PIEZO2: variants seen among roughly 807,000 people sequenced by gnomAD.
The protein encoded by PIEZO2 is piezo type mechanosensitive ion channel component 2.
PIEZO2 carries 172 observed loss-of-function variants against 337.3 expected under a neutral mutation model. The observed-to-expected ratio is 0.51, with a 90% CI of 0.45 to 0.58. The LOEUF (loss-of-function observed/expected upper bound fraction) is 0.58. Among genes scored for constraint, PIEZO2 ranks in the 20% least tolerant of loss-of-function variants. PIEZO2 has a pLI of 0.00. For missense variants in PIEZO2, 3,028 were observed against 3,391.3 expected (o/e 0.89, Z 2.66); for synonymous variants, 1,251 against 1,228.5 (o/e 1.02, Z -0.38).
chr18:11,072,490 G>A (rs772827817), intron 1 of PIEZO2, among the ~76,000 whole-genome samples: 1 of 151,976 alleles, frequency 6.6e-6, no homozygotes, highest in African/African-American at 2.4e-5. Flanking sequence ...AATAAAAGTC[G>A]CTCACATGAT....
At chr18:10,996,022 C>T (rs1598801480) in intron 2 of PIEZO2, among the ~76,000 whole-genome samples, 1 of 151,966 alleles carries the variant, frequency 6.6e-6, no homozygotes, top group Admixed American at 6.6e-5. Context: ...GCATTGTATT[C>T]ATATTTTTCT....
chr18:10,787,118 G>A lies in PIEZO2; in HGVS notation c.2236C>T (p.Leu746=). Residue 746 remains leucine (L), a synonymous_variant, in exon 16 of 56, where the codon CTG becomes TTG. Coordinates refer to ENST00000674853, the MANE Select transcript of PIEZO2 (RefSeq NM_001378183.1). ...FWMSVVIYTM[L]VLIFIYTYQF... ...TATGTGTATATAAAGATAAGCACCA[G>A]CATAGTGTAAATAACCACTGACATC... is the stretch of plus-strand genomic sequence containing the variant. The A allele has an allele frequency of 2.0e-6, 3 of 1,535,508 alleles. No individual in the cohort carries two copies. In the East Asian group the frequency reaches 7.3e-5, roughly 38 times the overall value.
intron 1 of PIEZO2, among the ~76,000 whole-genome samples, chr18:11,124,366 G>C (rs1418456527): frequency 6.6e-6 from 1 of 152,174 alleles, no homozygotes; most frequent in African/African-American, 2.4e-5. Flanking sequence ...CCCAGCATTT[G>C]TTGTGTTACC....
intron 3 of PIEZO2, among the ~76,000 whole-genome samples, chr18:10,930,797 GA>G (rs1338044145): frequency 1.3e-5 from 2 of 152,024 alleles, no homozygotes; most frequent in Non-Finnish European, 1.5e-5. Flanking sequence ...AAATTTTTTT[GA>G]AATTCTGTCT....
chr18:10,703,775 C>T (rs2035441981), intron 42 of PIEZO2, among the ~76,000 whole-genome samples: 1 of 152,098 alleles, frequency 6.6e-6, no homozygotes, highest in Non-Finnish European at 1.5e-5. Flanking sequence ...TAAGAGTGAG[C>T]AGAAGGCTCC....
At chr18:10,761,906 G>C (rs1285271084) in intron 23 of PIEZO2, among the ~76,000 whole-genome samples, 1 of 152,206 alleles carries the variant, frequency 6.6e-6, no homozygotes, top group Non-Finnish European at 1.5e-5. Context: ...TGAAAAATCT[G>C]AAGCATGTTG....
At chr18:10,926,507 A>G (rs1568206506) in intron 3 of PIEZO2, among the ~76,000 whole-genome samples, 1 of 152,220 alleles carries the variant, frequency 6.6e-6, no homozygotes, top group African/African-American at 2.4e-5. Context: ...TCTGGGCCCA[A>G]TAAATCAACT....
At position 11,129,913 on chromosome 18, in the gene PIEZO2, T is replaced by A. The variant is rs955238357; in HGVS notation, c.64+18612A>T. Reference sequence around the variant, plus strand: ...TGGATCCAGTGGGTCCCCAGCCTCATCCTGTGGTCATTTCCCCAATGCCAG... The same window carrying A: ...TGGATCCAGTGGGTCCCCAGCCTCAACCTGTGGTCATTTCCCCAATGCCAG... On this transcript the variant is annotated intron_variant, in intron 1 of 55. Coordinates refer to ENST00000674853, the MANE Select transcript of PIEZO2 (RefSeq NM_001378183.1). The surrounding 1 kb of genome is among the most constrained non-coding windows in gnomAD (Gnocchi z 4.6). Among the ~76,000 whole-genome samples the A allele has an allele frequency of 6.6e-6, 1 of 152,112 alleles. No homozygotes were observed. Among genetic ancestry groups the A allele is most frequent in the East Asian group, 1.9e-4 (1 of 5,194 alleles).
intron 7 of PIEZO2, among the ~76,000 whole-genome samples, chr18:10,823,296 T>C (rs1423978796): frequency 2.6e-5 from 4 of 152,214 alleles, no homozygotes; most frequent in Non-Finnish European, 5.9e-5. Flanking sequence ...AAATTTTCTC[T>C]TACTTTCTTA....
Position 11,097,329 on chromosome 18 carries a change from T to G in PIEZO2, c.65-31107A>C, listed in dbSNP as rs913147371. On this transcript the variant is annotated intron_variant, in intron 1 of 55. Coordinates refer to ENST00000674853, the MANE Select transcript of PIEZO2 (RefSeq NM_001378183.1). This position sits in a 1 kb window ranked among gnomAD's most constrained non-coding sequence, Gnocchi z 5.0. ...GTCAGGCTCCTTCTTCTAAGTATTT[T>G]CTATGGCTGTTTCTGCAGTTCAATG... is the stretch of plus-strand genomic sequence containing the variant. Among the ~76,000 whole-genome samples, 7 of 152,344 alleles carry G rather than the reference T, an allele frequency of 4.6e-5. No individual in the cohort carries two copies. The South Asian group carries it at 1.5e-3, about 32-fold the overall frequency.
rs1199745503 is a variant in PIEZO2, at chr18:10,861,136, C to T, written c.493-3925G>A. On this transcript the variant is annotated intron_variant, in intron 5 of 55. Coordinates refer to ENST00000674853, the MANE Select transcript of PIEZO2 (RefSeq NM_001378183.1). This position sits in a 1 kb window ranked among gnomAD's most constrained non-coding sequence, Gnocchi z 4.3. ...CACTGAACCTCTGAAAGAGCATGGA[C>T]TCACTCTCGCATGTTTACTAACAGG... 6.6e-6 allele frequency among the ~76,000 whole-genome samples: 1 copy of T among 152,188 alleles called. No individual in the cohort carries two copies. The highest frequency in any genetic ancestry group is 2.4e-5 in the African/African-American group (1 of 41,444).
chr18:10,722,211 A>G (rs1300563524), intron 36 of PIEZO2, among the ~76,000 whole-genome samples: 1 of 150,762 alleles, frequency 6.6e-6, no homozygotes, highest in Non-Finnish European at 1.5e-5. Flanking sequence ...AAACATCTGC[A>G]TCATATTTGG....
chr18:10,711,611 G>T (rs956712769), intron 39 of PIEZO2, among the ~76,000 whole-genome samples: 2 of 106,248 alleles, frequency 1.9e-5, no homozygotes, highest in Non-Finnish European at 4.4e-5. Flanking sequence ...GGGGATTCAG[G>T]TAACAAAAAA....
At chr18:10,937,252 A>C (rs1017565982) in intron 3 of PIEZO2, among the ~76,000 whole-genome samples, 5 of 152,170 alleles carry the variant, frequency 3.3e-5, no homozygotes, top group African/African-American at 1.2e-4. Context: ...TACTTTACAG[A>C]TTTCAGGGTT....
chr18:10,901,431 C>T (rs570727873), intron 4 of PIEZO2, among the ~76,000 whole-genome samples: 8 of 12,942 alleles, frequency 6.2e-4, no homozygotes, highest in African/African-American at 2.7e-3. Flanking sequence ...CACACACACG[C>T]ACACACACAC....
intron 2 of PIEZO2, among the ~76,000 whole-genome samples, chr18:10,998,070 T>C (rs984100231): frequency 1.3e-5 from 2 of 152,080 alleles, no homozygotes; most frequent in African/African-American, 2.4e-5. Context: ...ATATTTTTCA[T>C]CACAAACTAT....
chr18:10,793,966 G>A (rs1186325380), intron 13 of PIEZO2, among the ~76,000 whole-genome samples: 1 of 152,128 alleles, frequency 6.6e-6, no homozygotes, highest in African/African-American at 2.4e-5. Context: ...GATATGGGGT[G>A]TGTGGCAACC....
rs979345883 is a variant in PIEZO2 at position 10,954,313 on chromosome 18, C to A, written c.286+25222G>T. Among the ~76,000 whole-genome samples the A allele has an allele frequency of 6.6e-6, 1 of 152,170 alleles. No homozygotes were observed. The highest frequency in any genetic ancestry group is 1.5e-5 in the Non-Finnish European group (1 of 68,038). The stretch of plus-strand genomic sequence containing the variant: ...CAGTGAGTCTTCCAATCCATGAACA[C>A]AATGTATCTCTGCATTTATTTAGGG... On this transcript the variant is annotated intron_variant, in intron 3 of 55. Coordinates refer to ENST00000674853, the MANE Select transcript of PIEZO2 (RefSeq NM_001378183.1). The surrounding 1 kb of genome is among the most constrained non-coding windows in gnomAD (Gnocchi z 4.2).
intron 1 of PIEZO2, among the ~76,000 whole-genome samples, chr18:11,081,997 T>G (rs1189692586): frequency 1.3e-5 from 2 of 152,076 alleles, no homozygotes; most frequent in East Asian, 3.9e-4. Context: ...TGACCTCAGG[T>G]GATCCACCCG....
Sources: allele counts gnomAD v4.1 joint callset (sites outside exome capture counted in the v4.1 genomes callset), GRCh38; gene constraint gnomAD v4.1.1; non-coding constraint Gnocchi (gnomAD v3.1); transcripts MANE v1.5; gene names NCBI Gene and HGNC (gene_info 2026-07-23, HGNC 2026-07-21).